Variants in GPNMB observed in about 807,000 individuals in gnomAD.
GPNMB encodes glycoprotein nmb.
In GPNMB, 71 loss-of-function variants were observed where a neutral mutation model predicts 57.3. The observed-to-expected ratio is 1.24, with a 90% CI of 1.02 to 1.51. GPNMB has a LOEUF of 1.51. Ranked by LOEUF, GPNMB falls within the 40% of genes most tolerant of loss-of-function variation. The probability of loss-of-function intolerance (pLI) is 0.00; values close to 1 mark genes in which losing one functional copy is unlikely to be tolerated. For missense variants in GPNMB, 677 were observed against 691.9 expected, an observed-to-expected ratio of 0.98 and a Z score of 0.24; for synonymous variants, 253 against 263.2, an observed-to-expected ratio of 0.96 and a Z score of 0.38.
intron 9 of GPNMB, among the ~76,000 whole-genome samples, chr7:23,272,026 C>A (rs1276663513): frequency 6.6e-6 from 1 of 152,032 alleles, no homozygotes; most frequent in Non-Finnish European, 1.5e-5. Context: ...TGGATCAGGG[C>A]CTGGGTGGAG....
intron 1 of GPNMB, among the ~76,000 whole-genome samples, chr7:23,249,599 C>T (rs1055568154): frequency 6.6e-6 from 1 of 152,138 alleles, no homozygotes; most frequent in African/African-American, 2.4e-5. Flanking sequence ...ACATAATTTC[C>T]TGGAACTTTA....
At chr7:23,266,636 C>T (rs1186318696) in intron 7 of GPNMB, 21 bp downstream of exon 7, 1 of 1,610,678 alleles carries the variant, frequency 6.2e-7, no homozygotes, top group East Asian at 2.2e-5. Context: ...AGATGATGAC[C>T]AGTGAGGAAG....
At chr7:23,264,859 G>A (rs914990567) in intron 6 of GPNMB, among the ~76,000 whole-genome samples, 1 of 152,150 alleles carries the variant, frequency 6.6e-6, no homozygotes, top group Non-Finnish European at 1.5e-5. Flanking sequence ...ACTAAATTCT[G>A]CCTGTCAAGA....
rs180684762 is a variant in GPNMB, at chr7:23,271,927, C to T, written c.1430-1594C>T. ...AAATAATCATACATCTAATTATTTGCGTGAGGGCTTATTGTTGGTGATATC... is the reference window on the plus strand; with the variant it reads ...AAATAATCATACATCTAATTATTTGTGTGAGGGCTTATTGTTGGTGATATC... On this transcript the variant is annotated intron_variant, in intron 9 of 10. Coordinates refer to ENST00000258733, the MANE Select transcript of GPNMB (RefSeq NM_002510.3). Among the ~76,000 whole-genome samples the T allele has an allele frequency of 8.5e-5, 13 of 152,234 alleles. No homozygotes were observed. In the South Asian group the frequency reaches 1.5e-3, roughly 17 times the overall value.
At chr7:23,258,119 T>C (rs999703745) in intron 4 of GPNMB, 25 of 152,358 alleles carry the variant, frequency 1.6e-4, no homozygotes, top group Middle Eastern at 3.4e-3. Flanking sequence ...TGATTACTTT[T>C]AGAAGGAGCA....
chr7:23,253,763 G>A (rs1249858902), intron 2 of GPNMB, among the ~76,000 whole-genome samples: 1 of 152,168 alleles, frequency 6.6e-6, no homozygotes, highest in Admixed American at 6.5e-5. Flanking sequence ...CAGAAACCCA[G>A]TCACCCCAAA....
rs1783261339 is a variant in GPNMB, at chr7:23,273,534, T to G, written c.1443T>G (p.Pro481=). Residue 481 remains proline (P), a synonymous_variant, in exon 10 of 11, where the codon CCT becomes CCG. Transcript: ENST00000258733. ...ISVPDRDPAS[P]LRMANSALIS... is the part of the protein sequence containing the mutation. ...TTCTGTTTTAAGACCCAGCCTCGCC[T>G]TTAAGGATGGCAAACAGTGCCCTGA... 1 of 1,612,876 alleles carries G rather than the reference T, an allele frequency of 6.2e-7. No homozygotes were observed. The highest frequency in any genetic ancestry group is 8.5e-7 in the Non-Finnish European group (1 of 1,178,888).
chr7:23,259,130 T>G (rs927791094), intron 4 of GPNMB, among the ~76,000 whole-genome samples: 3 of 152,336 alleles, frequency 2.0e-5, no homozygotes, highest in South Asian at 2.1e-4. Context: ...AAAGTGCCTG[T>G]GGAACCACCC....
At chr7:23,270,243 C>A in intron 9 of GPNMB, 68 bp downstream of exon 9, 3 of 978,410 alleles carry the variant, frequency 3.1e-6, no homozygotes, top group Non-Finnish European at 4.7e-6. Context: ...CATACTAAAG[C>A]TATTTAGGCC....
chr7:23,259,865 C>T (rs542062070), intron 4 of GPNMB, 115 bp from the exon 5 acceptor site: 37 of 884,018 alleles, frequency 4.2e-5, no homozygotes, highest in Non-Finnish European at 6.6e-5. Flanking sequence ...ACAGGCCCAT[C>T]CTATTTTCCC....
intron 9 of GPNMB, 117 bp from the exon 10 acceptor site, chr7:23,273,404 C>A: frequency 1.5e-6 from 1 of 682,870 alleles, no homozygotes; most frequent in Non-Finnish European, 2.6e-6. Context: ...ACTGAAAGCC[C>A]AGAGGGAGCC....
rs779226838 is a variant in GPNMB, at chr7:23,266,507, A to G, written c.1019-10A>G. 2.2e-5 allele frequency: 35 copies of G among 1,611,660 alleles called. No individual in the cohort carries two copies. The South Asian group carries it at 3.6e-4, about 17-fold the overall frequency. ...AACTACTCTAAAATCTTATGATTCA[A>G]ACACCCCAGGACCTGCTGGTGACAA... On this transcript the variant is annotated splice_polypyrimidine_tract_variant and intron_variant, in intron 6 of 10. Coordinates refer to ENST00000258733, the MANE Select transcript of GPNMB (RefSeq NM_002510.3).
At chr7:23,258,945 C>A (rs191985281) in intron 4 of GPNMB, among the ~76,000 whole-genome samples, 1 of 152,338 alleles carries the variant, frequency 6.6e-6, no homozygotes, top group Admixed American at 6.5e-5. Context: ...CTAAACCAGG[C>A]CCCCTGGCAG....
intron 6 of GPNMB, among the ~76,000 whole-genome samples, chr7:23,263,913 G>T (rs1464938204): frequency 6.6e-6 from 1 of 152,090 alleles, no homozygotes; most frequent in Non-Finnish European, 1.5e-5. Flanking sequence ...TCTTAATAAT[G>T]CACAGCCGAA....
chr7:23,262,373 T>C (rs1782945814), intron 6 of GPNMB, among the ~76,000 whole-genome samples: 2 of 152,130 alleles, frequency 1.3e-5, no homozygotes, highest in Non-Finnish European at 2.9e-5. Context: ...CCAGATATTT[T>C]TCTATGCATT....
chr7:23,247,802 G>A (rs1172260735), intron 1 of GPNMB: 1 of 152,252 alleles, frequency 6.6e-6, no homozygotes, highest in African/African-American at 2.4e-5. Flanking sequence ...CCGGGAAAAC[G>A]CCTACGTTTT....
intron 1 of GPNMB, chr7:23,247,250 A>C (rs1401747573): frequency 5.6e-6 from 2 of 354,624 alleles, no homozygotes; most frequent in Non-Finnish European, 1.1e-5. Flanking sequence ...CCACAGAACA[A>C]AGCAACTCCA....
intron 7 of GPNMB, among the ~76,000 whole-genome samples, chr7:23,267,064 A>C (rs1479819039): frequency 2.0e-5 from 3 of 152,256 alleles, no homozygotes; most frequent in African/African-American, 7.2e-5. Flanking sequence ...CATACAACAG[A>C]GAAGACAGAG....
At chr7:23,271,749 T>A (rs925164223) in intron 9 of GPNMB, among the ~76,000 whole-genome samples, 1 of 151,728 alleles carries the variant, frequency 6.6e-6, no homozygotes, top group Non-Finnish European at 1.5e-5. Flanking sequence ...TGAGCTGAGA[T>A]GAAGACACTG....
Sources: gnomAD v4.1 joint callset for allele counts (sites outside exome capture counted in the v4.1 genomes callset) on GRCh38, gnomAD v4.1.1 for gene constraint, MANE v1.5 for transcripts, NCBI Gene and HGNC (gene_info 2026-07-23, HGNC 2026-07-21) for gene names.